TRANK1: variants seen among roughly 807,000 people sequenced by gnomAD.
The protein encoded by TRANK1 is TPR and ankyrin repeat-containing protein 1.
A neutral mutation model predicts 266.0 loss-of-function variants in TRANK1; 198 were observed. The observed-to-expected ratio is 0.74, with a 90% CI of 0.66 to 0.84. The LOEUF (loss-of-function observed/expected upper bound fraction) is 0.84. TRANK1 is among the 40% of genes least tolerant of loss of function. The pLI is 0.00. For missense variants in TRANK1, 3,326 were observed against 3,634.6 expected, an observed-to-expected ratio of 0.92 and a Z score of 2.18; for synonymous variants, 1,396 against 1,384.1, an observed-to-expected ratio of 1.01 and a Z score of -0.19.
At chr3:36,899,062 A>G in intron 4 of TRANK1, 47 bp downstream of exon 4, 1 of 1,525,228 alleles carries the variant, frequency 6.6e-7, no homozygotes. Context: ...AGCTATTTCA[A>G]TAAAATAGCA....
chr3:36,909,932 C>G (rs2125633831), intron 1 of TRANK1, among the ~76,000 whole-genome samples: 1 of 152,310 alleles, frequency 6.6e-6, no homozygotes, highest in African/African-American at 2.4e-5. Flanking sequence ...GAGCTATGTA[C>G]TAGGGAATAA....
chr3:36,903,771 C>T (rs946499365), intron 2 of TRANK1, among the ~76,000 whole-genome samples: 3 of 152,212 alleles, frequency 2.0e-5, no homozygotes, highest in African/African-American at 7.2e-5. Context: ...CAAAGGAGGG[C>T]CCTTTAAAGC....
In TRANK1 at chr3:36,874,002, T is replaced by C. The variant is rs192906882; in HGVS notation, c.1078+124A>G. The C allele has an allele frequency of 6.1e-6, 5 of 814,438 alleles. No homozygotes were observed. The Admixed American group carries it at 1.9e-4, about 32-fold the overall frequency. The allele number at this position is 814,438 out of a possible 1,614,324, so 50.5% of individuals were successfully genotyped here. A position where few individuals can be genotyped will look rare whatever the true frequency, so the allele number is the denominator to read the frequency against. ...AACAAGTTTTCCAAAGATTGGTAGGTCTCACTTCCATATATATATGTGTGT... is the reference window on the plus strand; with the variant it reads ...AACAAGTTTTCCAAAGATTGGTAGGCCTCACTTCCATATATATATGTGTGT... On this transcript the variant is annotated intron_variant, in intron 9 of 23. Coordinates refer to ENST00000645898, the MANE Select transcript of TRANK1 (RefSeq NM_001329998.2).
chr3:36,907,557 C>A (rs530757741), intron 2 of TRANK1, among the ~76,000 whole-genome samples: 2 of 150,772 alleles, frequency 1.3e-5, no homozygotes, highest in Non-Finnish European at 3.0e-5. Flanking sequence ...CTCCACCTCC[C>A]GGGTTCACGC....
rs1352669926 is a variant in TRANK1 at position 36,832,539 on chromosome 3, T to C, written c.7044A>G (p.Glu2348=). Residue 2348 remains glutamate, a synonymous_variant, in exon 22 of 24, where the codon GAA becomes GAG. Transcript: ENST00000645898. ...LLSSNYPEEF[E]KLLHQEEDNY... ...TGTCCTCCTCCTGGTGGAGCAGCTT[T>C]TCAAACTCCTCCGGGTAGTTGGAAG... The C allele has an allele frequency of 6.2e-7, 1 of 1,614,012 alleles. No homozygotes were observed. The highest frequency in any genetic ancestry group is 2.2e-5 in the East Asian group (1 of 44,876).
At chr3:36,918,499 GAAAGAAAGAAAGAAAGAAAGAAAGAAA>G (rs2080159188) in intron 1 of TRANK1, among the ~76,000 whole-genome samples, 2 of 28,570 alleles carry the variant, frequency 7.0e-5, no homozygotes, top group African/African-American at 3.0e-4. Context: ...AAGAAAGAAA[GAAAGAAAGAAAGAAAGAAAGAAAGAAA>G]GAAAGAAGGA....
Position 36,832,299 on chromosome 3 carries a change from C to G in TRANK1, c.7284G>C (p.Arg2428Ser). The G allele has an allele frequency of 6.2e-7, 1 of 1,613,970 alleles. No homozygotes were observed. The highest frequency in any genetic ancestry group is 8.5e-7 in the Non-Finnish European group (1 of 1,179,888). Residue 2428 changes from arginine to serine, a missense_variant, in exon 22 of 24, where the codon AGG becomes AGC. By Grantham distance (110) the Arg-to-Ser change is moderately radical. Coordinates refer to ENST00000645898, the MANE Select transcript of TRANK1 (RefSeq NM_001329998.2). The stretch of plus-strand genomic sequence containing the variant: ...GGACATTCATGAAACGGAAAAAGAG[C>G]CTCTTGTAGTCTTCTGGGTTCCTGT... Reference protein sequence around the residue: ...YVYRNPEDYKRLFFRFMNVLI... With the variant: ...YVYRNPEDYKSLFFRFMNVLI...
At chr3:36,851,382 A>T (rs2078982541) in intron 15 of TRANK1, 1 of 1,046,408 alleles carries the variant, frequency 9.6e-7, no homozygotes, top group Non-Finnish European at 1.1e-6. Context: ...TTCATCTGTA[A>T]GGCTCTCCTT....
chr3:36,856,203 G>A lies in TRANK1; in HGVS notation c.3519C>T (p.Gly1173=). The part of the protein sequence containing the change: ...GGAGVEPAGD[G]QAAEVCAPEH... ...CTGGTGCACATACTTCTGCAGCTTG[G>A]CCGTCCCCTGCTGGCTCCACACCGG... is the stretch of plus-strand genomic sequence containing the variant. The change falls in exon 13 of 24, where the codon GGC becomes GGT. Residue 1173 remains glycine, a synonymous_variant. Coordinates refer to ENST00000645898, the MANE Select transcript of TRANK1 (RefSeq NM_001329998.2). 6.2e-7 allele frequency: 1 copy of A among 1,613,812 alleles called. No homozygotes were observed. Among genetic ancestry groups the A allele is most frequent in the Non-Finnish European group, 8.5e-7 (1 of 1,179,858 alleles).
chr3:36,857,389 G>T lies in TRANK1; in HGVS notation c.2333C>A (p.Ala778Glu). 1 of 1,611,954 alleles carries T rather than the reference G, an allele frequency of 6.2e-7. No individual in the cohort carries two copies. Among genetic ancestry groups the T allele is most frequent in the Non-Finnish European group, 8.5e-7 (1 of 1,178,822 alleles). Residue 778 changes from alanine to glutamate, a missense_variant, in exon 13 of 24, where the codon GCA (alanine) becomes GAA (glutamate). Transcript: ENST00000645898. The surrounding 1 kb of genome is among the most constrained non-coding windows in gnomAD (Gnocchi z 4.3). ...GKKDDKPTLG[A>E]GAPDCSEVGE... ...CACCTCACTACAGTCAGGGGCCCCT[G>T]CACCCAGAGTCGGCTTGTCATCTTT...
Position 36,828,187 on chromosome 3 carries a change from C to T in TRANK1, c.*88G>A. The T allele has an allele frequency of 1.1e-6, 1 of 949,608 alleles. No individual in the cohort carries two copies. Among genetic ancestry groups the T allele is most frequent in the Non-Finnish European group, 1.6e-6 (1 of 611,156 alleles). The allele number at this position is 949,608 out of a possible 1,614,324, so 58.8% of individuals were successfully genotyped here. A position where few individuals can be genotyped will look rare whatever the true frequency, so the allele number is the denominator to read the frequency against. ...CCCCTATTTTTAAAATGCTAATTCA[C>T]ATTCTTTTTGTCTTCTGCCCCAGCG... On this transcript the variant is annotated 3_prime_UTR_variant, in exon 24 of 24. Transcript: ENST00000645898.
chr3:36,867,731 C>T (rs2079246758), intron 9 of TRANK1, among the ~76,000 whole-genome samples: 1 of 152,190 alleles, frequency 6.6e-6, no homozygotes, highest in East Asian at 1.9e-4. Flanking sequence ...CATGCAATTA[C>T]AATAAATTTG....
rs1199877661 is a variant in TRANK1, at chr3:36,879,801, TACAAATATATGTA to T, written c.908-5518_908-5506del. Among the ~76,000 whole-genome samples, 791 of 105,990 alleles carry T rather than the reference TACAAATATATGTA, an allele frequency of 7.5e-3. 60 individuals carry two copies. The highest frequency in any genetic ancestry group is 0.021 in the Middle Eastern group (3 of 142). The allele number at this position is 105,990 out of a possible 152,430, so 69.5% of individuals were successfully genotyped here. On this transcript the variant is annotated intron_variant, in intron 8 of 23. Transcript: ENST00000645898. The stretch of plus-strand genomic sequence containing the variant: ...ATATAAATATGTAAATATATAAATA[TACAAATATATGTA>T]AATATACAAATATATGTAAATATAC...
chr3:36,855,291 G>T lies in TRANK1; in HGVS notation c.4431C>A (p.Arg1477=). 2 of 1,614,070 alleles carry T rather than the reference G, an allele frequency of 1.2e-6. No homozygotes were observed. Among genetic ancestry groups the T allele is most frequent in the Middle Eastern group, 3.3e-4 (2 of 6,062 alleles). ...GGAACAGAGAGCGCAGATCGCTGAA[G>T]CGGAAGGCCACGCCCTTCATGATGC... The part of the protein sequence containing the change: ...AQSIMKGVAF[R]FSDLRSLFHY... The change falls in exon 13 of 24, where the codon CGC becomes CGA. Residue 1477 remains arginine, a synonymous_variant. Coordinates refer to ENST00000645898, the MANE Select transcript of TRANK1 (RefSeq NM_001329998.2).
Position 36,864,493 on chromosome 3 carries a change from A to T in TRANK1, c.1079-13T>A. 1 of 1,513,464 alleles carries T rather than the reference A, an allele frequency of 6.6e-7. No individual in the cohort carries two copies. Among genetic ancestry groups the T allele is most frequent in the Non-Finnish European group, 8.8e-7 (1 of 1,138,590 alleles). The allele number at this position is 1,513,464 out of a possible 1,614,324, so 93.8% of individuals were successfully genotyped here. ...CCATTGCTGAATCCTACAAAACAGCACCAGGTAATGCTTCTGAATACAGAA... is the reference window on the plus strand; with the variant it reads ...CCATTGCTGAATCCTACAAAACAGCTCCAGGTAATGCTTCTGAATACAGAA... On this transcript the variant is annotated splice_polypyrimidine_tract_variant and intron_variant, in intron 9 of 23. Transcript: ENST00000645898.
At chr3:36,914,059 G>A (rs977624701) in intron 1 of TRANK1, among the ~76,000 whole-genome samples, 6 of 151,940 alleles carry the variant, frequency 3.9e-5, no homozygotes, top group Non-Finnish European at 1.5e-5. Context: ...CATTCTCACA[G>A]CAAAAAGTAA....
chr3:36,861,831 G>A (rs1051828801), intron 10 of TRANK1, among the ~76,000 whole-genome samples: 6 of 148,906 alleles, frequency 4.0e-5, no homozygotes, highest in African/African-American at 1.2e-4. Flanking sequence ...TCAGCCTCCC[G>A]AGTAGCTGGG....
chr3:36,842,601 C>T lies in TRANK1; in HGVS notation c.5280+21G>A, dbSNP rs765441312. ...GACGAGGGCACCAGTGACAAGGACC[C>T]CTCCTAGTCCAACCCCTTACCTTCC... On this transcript the variant is annotated intron_variant, in intron 18 of 23. Coordinates refer to ENST00000645898, the MANE Select transcript of TRANK1 (RefSeq NM_001329998.2). 6 of 1,609,358 alleles carry T rather than the reference C, an allele frequency of 3.7e-6. No individual in the cohort carries two copies. The Admixed American group carries it at 1.0e-4, about 27-fold the overall frequency.
At chr3:36,878,832 C>A (rs1290504387) in intron 8 of TRANK1, among the ~76,000 whole-genome samples, 2 of 150,786 alleles carry the variant, frequency 1.3e-5, no homozygotes, top group Non-Finnish European at 3.0e-5. Flanking sequence ...TTTTTAAATG[C>A]CCATTTAACT....
Sources: gnomAD v4.1 joint callset for allele counts (sites outside exome capture counted in the v4.1 genomes callset) on GRCh38, gnomAD v4.1.1 for gene constraint, Gnocchi (gnomAD v3.1) non-coding constraint, MANE v1.5 for transcripts, NCBI Gene and HGNC (gene_info 2026-07-23, HGNC 2026-07-21) for gene names.